DPP10: variants seen among roughly 807,000 people sequenced by gnomAD.
The protein encoded by DPP10 is inactive dipeptidyl peptidase 10.
In DPP10, 33 loss-of-function variants were observed where a neutral mutation model predicts 120.9. That is an observed-to-expected ratio of 0.27 (90% CI 0.21 to 0.37). The LOEUF (loss-of-function observed/expected upper bound fraction) is 0.37. Ranked by LOEUF, DPP10 falls within the 10% of genes least tolerant of loss-of-function variation. The pLI is 1.00. For synonymous variants in DPP10, 337 were observed against 326.1 expected (o/e 1.03, Z -0.36); for missense variants, 816 against 942.8 (o/e 0.87, Z 1.76).
intron 7 of DPP10, among the ~76,000 whole-genome samples, chr2:115,696,293 A>T (rs2091585527): frequency 6.6e-6 from 1 of 152,190 alleles, no homozygotes; most frequent in Non-Finnish European, 1.5e-5. Flanking sequence ...ACCCACACCA[A>T]GACAAGTTAC....
At chr2:115,376,219 G>A (rs911874505) in intron 3 of DPP10, among the ~76,000 whole-genome samples, 3 of 152,022 alleles carry the variant, frequency 2.0e-5, no homozygotes, top group Non-Finnish European at 2.9e-5. Context: ...AAACCATTTT[G>A]TTATAAATTT....
intron 1 of DPP10, among the ~76,000 whole-genome samples, chr2:114,904,293 A>C (rs761788552): frequency 6.6e-6 from 1 of 152,238 alleles, no homozygotes; most frequent in Non-Finnish European, 1.5e-5. Flanking sequence ...TGAGGAACAT[A>C]GTATTGGAAA....
intron 1 of DPP10, among the ~76,000 whole-genome samples, chr2:114,746,995 T>C (rs1678640614): frequency 1.3e-5 from 2 of 152,230 alleles, no homozygotes; most frequent in Admixed American, 1.3e-4. Flanking sequence ...GATATATACA[T>C]ATATGTGTAT....
chr2:115,723,312 T>A (rs1355403877), intron 7 of DPP10, among the ~76,000 whole-genome samples: 1 of 152,196 alleles, frequency 6.6e-6, no homozygotes, highest in Non-Finnish European at 1.5e-5. Flanking sequence ...TTCCGTCGAA[T>A]TCTTTGTTGT....
At chr2:114,626,764 G>A (rs773931696) in intron 1 of DPP10, among the ~76,000 whole-genome samples, 3 of 152,034 alleles carry the variant, frequency 2.0e-5, no homozygotes, top group East Asian at 1.9e-4. Flanking sequence ...TTATTTCATC[G>A]GAAATTTTAA....
chr2:114,941,333 TC>T (rs1180161962), intron 1 of DPP10, among the ~76,000 whole-genome samples: 1 of 152,144 alleles, frequency 6.6e-6, no homozygotes, highest in Non-Finnish European at 1.5e-5. Context: ...GTTCCTGTTT[TC>T]TTCTTCTCAA....
intron 1 of DPP10, among the ~76,000 whole-genome samples, chr2:115,209,865 C>A (rs758185647): frequency 1.4e-4 from 21 of 152,032 alleles, no homozygotes; most frequent in Non-Finnish European, 2.6e-4. Flanking sequence ...ATGATAGTAA[C>A]AAAGATGTGA....
At chr2:115,691,294 T>G (rs2091301130) in intron 7 of DPP10, among the ~76,000 whole-genome samples, 1 of 152,152 alleles carries the variant, frequency 6.6e-6, no homozygotes, top group African/African-American at 2.4e-5. Context: ...TTTTTGTTAT[T>G]GATGAAATCT....
intron 1 of DPP10, among the ~76,000 whole-genome samples, chr2:115,057,376 T>C (rs1381498266): frequency 6.6e-6 from 1 of 152,180 alleles, no homozygotes; most frequent in African/African-American, 2.4e-5. Context: ...TGGAGGGATT[T>C]TTTTTTAGGT....
At chr2:115,179,924 A>T (rs192008922) in intron 1 of DPP10, among the ~76,000 whole-genome samples, 2 of 152,322 alleles carry the variant, frequency 1.3e-5, no homozygotes, top group Non-Finnish European at 1.5e-5. Flanking sequence ...AATAGGAAAA[A>T]CAAGTTATTT....
intron 3 of DPP10, among the ~76,000 whole-genome samples, chr2:115,391,673 A>G (rs1317425704): frequency 1.3e-5 from 2 of 151,934 alleles, no homozygotes; most frequent in African/African-American, 4.8e-5. Context: ...CATATAAATA[A>G]GCATTTATTA....
chr2:114,824,092 C>T (rs1387004999), intron 1 of DPP10, among the ~76,000 whole-genome samples: 3 of 152,142 alleles, frequency 2.0e-5, no homozygotes, highest in Non-Finnish European at 4.4e-5. Context: ...CTTCTACTTA[C>T]CAAAATTCTC....
intron 1 of DPP10, among the ~76,000 whole-genome samples, chr2:114,458,963 T>C (rs1412228657): frequency 6.6e-6 from 1 of 152,136 alleles, no homozygotes; most frequent in African/African-American, 2.4e-5. Context: ...ATGAAATGAA[T>C]TACAAAGACT....
At chr2:115,547,231 A>G (rs2079560435) in intron 5 of DPP10, among the ~76,000 whole-genome samples, 2 of 152,164 alleles carry the variant, frequency 1.3e-5, no homozygotes, top group Admixed American at 1.3e-4. Context: ...ATAATTGTGG[A>G]ACAGTATTTT....
intron 19 of DPP10, among the ~76,000 whole-genome samples, chr2:115,810,427 G>T (rs1324356791): frequency 6.6e-6 from 1 of 151,864 alleles, no homozygotes; most frequent in Non-Finnish European, 1.5e-5. Context: ...ATCCAGTTTT[G>T]GTATAAATGA....
At chr2:115,049,667 G>A (rs1705319866) in intron 1 of DPP10, among the ~76,000 whole-genome samples, 1 of 152,060 alleles carries the variant, frequency 6.6e-6, no homozygotes, top group Non-Finnish European at 1.5e-5. Flanking sequence ...TTTCATTCCA[G>A]CCGATCTGAT....
At chr2:115,180,159 G>C (rs1056588991) in intron 1 of DPP10, among the ~76,000 whole-genome samples, 1 of 152,108 alleles carries the variant, frequency 6.6e-6, no homozygotes, top group Non-Finnish European at 1.5e-5. Flanking sequence ...TTCAGATTAG[G>C]CTTTAATCTT....
Position 114,442,646 on chromosome 2 carries a change from C to A in DPP10, c.-133C>A. ...AGTGAGGAAGCAGCAGAAACAGAAG[C>A]AGCAGAAGCAACAGCAGTAGCAGCG... On this transcript the variant is annotated 5_prime_UTR_variant, in exon 1 of 26. Transcript: ENST00000410059. 1.0e-6 allele frequency: 1 copy of A among 955,416 alleles called. No individual in the cohort carries two copies. Among genetic ancestry groups the A allele is most frequent in the Non-Finnish European group, 1.6e-6 (1 of 619,036 alleles). The allele number at this position is 955,416 out of a possible 1,614,324, so 59.2% of individuals were successfully genotyped here. A position where few individuals can be genotyped will look rare whatever the true frequency, so the allele number is the denominator to read the frequency against.
At chr2:115,492,362 T>C (rs562142837) in intron 3 of DPP10, among the ~76,000 whole-genome samples, 1 of 151,964 alleles carries the variant, frequency 6.6e-6, no homozygotes, top group Non-Finnish European at 1.5e-5. Context: ...GTTTTGGGGG[T>C]ATGTAGTTTG....
Sources: gnomAD v4.1 joint callset for allele counts (sites outside exome capture counted in the v4.1 genomes callset) on GRCh38, gnomAD v4.1.1 for gene constraint, MANE v1.5 for transcripts, NCBI Gene and HGNC (gene_info 2026-07-23, HGNC 2026-07-21) for gene names.